SMARCA2: variants seen among roughly 807,000 people sequenced by gnomAD.
SMARCA2 encodes SWI/SNF related BAF chromatin remodeling complex subunit ATPase 2.
In SMARCA2, 61 loss-of-function variants were observed where a neutral mutation model predicts 199.8. That is an observed-to-expected ratio of 0.31 (90% CI 0.25 to 0.38). The LOEUF (loss-of-function observed/expected upper bound fraction) is 0.38. Ranked by LOEUF, SMARCA2 falls within the 10% of genes least tolerant of loss-of-function variation. The pLI is 1.00. For synonymous variants in SMARCA2, 935 were observed against 732.0 expected, an observed-to-expected ratio of 1.28 and a Z score of -4.48; for missense variants, 1,344 against 2,012.2, an observed-to-expected ratio of 0.67 and a Z score of 6.35.
At chr9:2,066,233 G>A (rs1017225275) in intron 9 of SMARCA2, among the ~76,000 whole-genome samples, 24 of 152,278 alleles carry the variant, frequency 1.6e-4, no homozygotes, top group Admixed American at 1.3e-4. Flanking sequence ...AATATAGATT[G>A]TAAAATATTT....
At position 2,119,603 on chromosome 9, in the gene SMARCA2, G is replaced by A. The variant is rs1586725128; in HGVS notation, c.3762+68G>A. 8 of 1,092,224 alleles carry A rather than the reference G, an allele frequency of 7.3e-6. No homozygotes were observed. In the East Asian group the frequency reaches 1.9e-4, roughly 26 times the overall value. The allele number at this position is 1,092,224 out of a possible 1,614,324, so 67.7% of individuals were successfully genotyped here. On this transcript the variant is annotated intron_variant, in intron 26 of 33. Transcript: ENST00000349721. The surrounding 1 kb of genome is among the most constrained non-coding windows in gnomAD (Gnocchi z 4.6). ...TGCCCCTTTTTCTGTTAAGCAGAATGTCTGCAGCCTGCGTGCCTGGCAGAA... is the reference window on the plus strand; with the variant it reads ...TGCCCCTTTTTCTGTTAAGCAGAATATCTGCAGCCTGCGTGCCTGGCAGAA...
Position 2,063,343 on chromosome 9 carries a change from C to G in SMARCA2, c.1692+2357C>G, listed in dbSNP as rs77191123. Among the ~76,000 whole-genome samples the G allele has an allele frequency of 2.0e-3, 311 of 152,288 alleles. 3 individuals are homozygous for G. The highest frequency in any genetic ancestry group is 7.0e-3 in the African/African-American group (292 of 41,562). The stretch of plus-strand genomic sequence containing the variant: ...GGGATGCTTTAAGAAGCTGATTTGA[C>G]ACTTTGGATTATCTGTAGTTCTTCT... On this transcript the variant is annotated intron_variant, in intron 9 of 33. Transcript: ENST00000349721.
chr9:2,082,127 T>G (rs1821590918), intron 15 of SMARCA2, 132 bp downstream of exon 15: 2 of 758,030 alleles, frequency 2.6e-6, no homozygotes. Context: ...ACCAAGAGCA[T>G]GTAATCTGGA....
At chr9:2,069,697 A>G (rs771722461) in intron 9 of SMARCA2, among the ~76,000 whole-genome samples, 4 of 152,144 alleles carry the variant, frequency 2.6e-5, no homozygotes, top group East Asian at 1.9e-4. Context: ...CATCCAGGGA[A>G]CTCATAAAGT....
In SMARCA2 at chr9:2,060,941, A is replaced by G. The variant is rs779686717; in HGVS notation, c.1647A>G (p.Gln549=). Residue 549 remains glutamine, a synonymous_variant, in exon 9 of 34, where the codon CAA becomes CAG. Coordinates refer to ENST00000349721, the MANE Select transcript of SMARCA2 (RefSeq NM_003070.5). ...CCAATCTGGTTTGGGAGCACAAGCAAGCCCAGGCAGCCAAAGAGAAGAAGA... is the reference window on the plus strand; with the variant it reads ...CCAATCTGGTTTGGGAGCACAAGCAGGCCCAGGCAGCCAAAGAGAAGAAGA... The part of the protein sequence containing the change: ...NLTNLVWEHK[Q]AQAAKEKKKR... The G allele has an allele frequency of 1.9e-6, 3 of 1,614,150 alleles. No individual in the cohort carries two copies. The highest frequency in any genetic ancestry group is 2.5e-6 in the Non-Finnish European group (3 of 1,179,992).
intron 27 of SMARCA2, among the ~76,000 whole-genome samples, chr9:2,155,577 G>C (rs1275211887): frequency 6.6e-6 from 1 of 152,062 alleles, no homozygotes; most frequent in Non-Finnish European, 1.5e-5. Flanking sequence ...CACTGCGCGG[G>C]GGCATTTTCG....
chr9:2,078,198 A>G (rs567549635), intron 14 of SMARCA2, among the ~76,000 whole-genome samples: 17 of 152,310 alleles, frequency 1.1e-4, no homozygotes, highest in African/African-American at 3.8e-4. Flanking sequence ...TAGGCCAGGC[A>G]TGGTGGCTCA....
At position 2,025,808 on chromosome 9, in the gene SMARCA2, G is replaced by A. The variant is rs138826256; in HGVS notation, c.-36-3179G>A. Among the ~76,000 whole-genome samples the A allele has an allele frequency of 5.7e-3, 863 of 152,282 alleles. 4 individuals are homozygous for A. The highest frequency in any genetic ancestry group is 9.0e-3 in the Non-Finnish European group (615 of 68,018). On this transcript the variant is annotated intron_variant, in intron 1 of 33. Transcript: ENST00000349721. ...GAACTGTAAAATAAAATTGCCACCC[G>A]AAATGTAGAGGAAGAATAAGAGGCC...
chr9:2,037,929 C>T (rs1819402537), intron 3 of SMARCA2, among the ~76,000 whole-genome samples: 1 of 152,206 alleles, frequency 6.6e-6, no homozygotes, highest in African/African-American at 2.4e-5. Context: ...TCTAGGAATT[C>T]TATGGCCAAG....
chr9:2,124,296 G>A (rs1487494876), intron 27 of SMARCA2, among the ~76,000 whole-genome samples: 1 of 152,196 alleles, frequency 6.6e-6, no homozygotes, highest in African/African-American at 2.4e-5. Flanking sequence ...ATCAAAATGT[G>A]GAAGGGCACC....
chr9:2,113,071 T>TACA (rs1477557575), intron 24 of SMARCA2, among the ~76,000 whole-genome samples: 4 of 152,332 alleles, frequency 2.6e-5, no homozygotes, highest in African/African-American at 9.6e-5. Flanking sequence ...TGTGAAGGTC[T>TACA]TTGTATCAGG....
At chr9:2,072,150 C>G (rs898045680) in intron 10 of SMARCA2, 9 of 152,226 alleles carry the variant, frequency 5.9e-5, no homozygotes, top group African/African-American at 1.9e-4. Context: ...GTAGGTTATC[C>G]TATCATTTCT....
chr9:2,096,336 A>G (rs1399131861), intron 19 of SMARCA2, among the ~76,000 whole-genome samples: 1 of 152,240 alleles, frequency 6.6e-6, no homozygotes, highest in Non-Finnish European at 1.5e-5. Flanking sequence ...AAAATATCCC[A>G]TATTGAACAT....
At position 2,039,793 on chromosome 9, in the gene SMARCA2, A is replaced by AGCAGCC; in HGVS notation, c.688_689insCGCAGC (p.Gln229_Gln230insProGln). The AGCAGCC allele has an allele frequency of 1.9e-6, 3 of 1,595,840 alleles. No homozygotes were observed. Among genetic ancestry groups the AGCAGCC allele is most frequent in the Non-Finnish European group, 1.7e-6 (2 of 1,167,922 alleles). ...CAGCAGCAACAGCAGCAGCAGCAGC[A>AGCAGCC]GCAGCAGCAGCAGCAGCAGCAGCAA... On this transcript the variant is annotated inframe_insertion, in exon 4 of 34. Transcript: ENST00000349721. This position sits in a 1 kb window ranked among gnomAD's most constrained non-coding sequence, Gnocchi z 4.8.
chr9:2,095,905 A>G (rs1822255090), intron 19 of SMARCA2, among the ~76,000 whole-genome samples: 3 of 152,344 alleles, frequency 2.0e-5, no homozygotes, highest in Non-Finnish European at 4.4e-5. Context: ...AAACAATGGT[A>G]GGAAATAAGG....
At chr9:2,129,952 C>T (rs1182333953) in intron 27 of SMARCA2, among the ~76,000 whole-genome samples, 2 of 152,136 alleles carry the variant, frequency 1.3e-5, no homozygotes, top group African/African-American at 4.8e-5. Flanking sequence ...CTCCCAGACT[C>T]AAGCAATCCT....
chr9:2,136,159 G>A (rs1180718741), intron 27 of SMARCA2, among the ~76,000 whole-genome samples: 1 of 148,006 alleles, frequency 6.8e-6, no homozygotes, highest in Non-Finnish European at 1.5e-5. Flanking sequence ...TTTTATTGTG[G>A]TTTTTAATAA....
rs201858917 is a variant in SMARCA2 at position 2,161,673 on chromosome 9, T to G, written c.3982-13T>G. 2.5e-6 allele frequency: 4 copies of G among 1,600,752 alleles called. No homozygotes were observed. The highest frequency in any genetic ancestry group is 1.7e-5 in the Admixed American group (1 of 59,490). On this transcript the variant is annotated splice_polypyrimidine_tract_variant and intron_variant, in intron 27 of 33. Transcript: ENST00000349721. This position sits in a 1 kb window ranked among gnomAD's most constrained non-coding sequence, Gnocchi z 4.7. Reference sequence around the variant, plus strand: ...CTTGTCTTGAATTTGTCTCCTTTGTTTCCAACGAACAGGCCATCGAAGACG... The same window carrying G: ...CTTGTCTTGAATTTGTCTCCTTTGTGTCCAACGAACAGGCCATCGAAGACG...
intron 19 of SMARCA2, among the ~76,000 whole-genome samples, chr9:2,094,669 G>A (rs910451312): frequency 6.6e-6 from 1 of 152,066 alleles, no homozygotes; most frequent in Non-Finnish European, 1.5e-5. Flanking sequence ...TATATCTTTG[G>A]GTCTGTAGCT....
Sources: allele counts gnomAD v4.1 joint callset (sites outside exome capture counted in the v4.1 genomes callset), GRCh38; gene constraint gnomAD v4.1.1; non-coding constraint Gnocchi (gnomAD v3.1); transcripts MANE v1.5; gene names NCBI Gene and HGNC (gene_info 2026-07-23, HGNC 2026-07-21).